Variants in TAFA4 observed in about 807,000 individuals in gnomAD.
TAFA4 encodes the protein chemokine-like protein TAFA-4.
Under a neutral mutation model 21.1 loss-of-function variants are expected in TAFA4, and 20 were observed. The observed-to-expected ratio is 0.95, with a 90% confidence interval of 0.67 to 1.38. TAFA4 has a LOEUF of 1.38. TAFA4 is among the 40% of genes most tolerant of loss of function. TAFA4 has a pLI of 0.00. For missense variants in TAFA4, 211 were observed against 180.9 expected (o/e 1.17, Z -0.95); for synonymous variants, 71 against 67.4 (o/e 1.05, Z -0.26).
intron 3 of TAFA4, among the ~76,000 whole-genome samples, chr3:68,803,000 A>C (rs1703608212): frequency 6.6e-6 from 1 of 152,216 alleles, no homozygotes; most frequent in Admixed American, 6.5e-5. Flanking sequence ...AACTCTCAGA[A>C]GACGGTTTGT....
intron 3 of TAFA4, among the ~76,000 whole-genome samples, chr3:68,870,101 T>A (rs7629267): frequency 2.0e-4 from 31 of 151,984 alleles, no homozygotes; most frequent in Admixed American, 1.9e-3. Context: ...TCATTTACAA[T>A]AGACACAAGG....
At chr3:68,745,733 T>G (rs911116544) in intron 4 of TAFA4, among the ~76,000 whole-genome samples, 2 of 152,196 alleles carry the variant, frequency 1.3e-5, no homozygotes, top group African/African-American at 4.8e-5. Flanking sequence ...CAGAACACAA[T>G]TATGTATTCA....
intron 3 of TAFA4, among the ~76,000 whole-genome samples, chr3:68,813,591 G>A (rs994282248): frequency 1.3e-4 from 20 of 152,072 alleles, no homozygotes; most frequent in Middle Eastern, 3.4e-3. Flanking sequence ...TCCTCAACAC[G>A]TACACCCTCC....
intron 1 of TAFA4, among the ~76,000 whole-genome samples, chr3:68,919,666 T>C (rs903157417): frequency 6.6e-6 from 1 of 152,236 alleles, no homozygotes. Context: ...TGTTGCTTAG[T>C]GGCTCTCACG....
chr3:68,755,155 A>T (rs113112662), intron 3 of TAFA4, among the ~76,000 whole-genome samples: 2,120 of 152,176 alleles, frequency 0.014, 52 homozygotes, highest in African/African-American at 0.048. Flanking sequence ...CTCTCCCAAC[A>T]ACTCTCTATT....
intron 3 of TAFA4, among the ~76,000 whole-genome samples, chr3:68,866,678 A>AAAAAAC (rs2089424321): frequency 1.6e-5 from 2 of 123,746 alleles, no homozygotes; most frequent in African/African-American, 6.0e-5. Flanking sequence ...AAAAAAAAAA[A>AAAAAAC]CTCTGCAAAC....
At chr3:68,826,902 A>G (rs965612872) in intron 3 of TAFA4, among the ~76,000 whole-genome samples, 2 of 152,174 alleles carry the variant, frequency 1.3e-5, no homozygotes, top group Admixed American at 6.5e-5. Flanking sequence ...TTTTATTATT[A>G]TACTTTAAGT....
intron 3 of TAFA4, among the ~76,000 whole-genome samples, chr3:68,837,434 AT>A (rs1328965628): frequency 6.6e-6 from 1 of 152,212 alleles, no homozygotes; most frequent in East Asian, 1.9e-4. Flanking sequence ...AATATGGTCA[AT>A]TTCAACCCTC....
chr3:68,829,930 C>T (rs547650382), intron 3 of TAFA4, among the ~76,000 whole-genome samples: 2 of 152,068 alleles, frequency 1.3e-5, no homozygotes, highest in Non-Finnish European at 2.9e-5. Context: ...GTGTATGTGT[C>T]GAGGAATTTA....
At chr3:68,768,468 G>A (rs56909663) in intron 3 of TAFA4, among the ~76,000 whole-genome samples, 6,694 of 152,230 alleles carry the variant, frequency 0.044, 376 homozygotes, top group East Asian at 0.25. Context: ...TGGATGTGGA[G>A]AAAATGGAGT....
At chr3:68,772,989 T>A (rs1702986485) in intron 3 of TAFA4, among the ~76,000 whole-genome samples, 1 of 152,236 alleles carries the variant, frequency 6.6e-6, no homozygotes, top group Non-Finnish European at 1.5e-5. Context: ...ATCAGACAAC[T>A]AATGATCTCA....
chr3:68,783,745 G>GAAAGAAAC (rs1355228496), intron 3 of TAFA4, among the ~76,000 whole-genome samples: 1 of 95,952 alleles, frequency 1.0e-5, no homozygotes, highest in Admixed American at 1.0e-4. Context: ...AAGAAAGAAA[G>GAAAGAAAC]TAAGAAAGAA....
intron 3 of TAFA4, among the ~76,000 whole-genome samples, chr3:68,864,677 T>C (rs1484597393): frequency 1.3e-5 from 2 of 152,074 alleles, no homozygotes; most frequent in African/African-American, 4.8e-5. Flanking sequence ...TAGCCAAAGT[T>C]AGAAAAACTC....
intron 3 of TAFA4, among the ~76,000 whole-genome samples, chr3:68,773,533 C>T (rs1403259439): frequency 6.6e-6 from 1 of 152,156 alleles, no homozygotes; most frequent in African/African-American, 2.4e-5. Context: ...TCTACCCATG[C>T]AGACACTGGA....
chr3:68,831,589 G>A (rs1162344705), intron 3 of TAFA4, among the ~76,000 whole-genome samples: 3 of 152,092 alleles, frequency 2.0e-5, no homozygotes, highest in South Asian at 4.2e-4. Flanking sequence ...TGGGTAACCC[G>A]ACCTTTCTCT....
intron 3 of TAFA4, among the ~76,000 whole-genome samples, chr3:68,851,567 T>A (rs750886333): frequency 6.6e-6 from 1 of 152,136 alleles, no homozygotes; most frequent in Non-Finnish European, 1.5e-5. Flanking sequence ...AAGAGAGAGA[T>A]ATTTTAGCCA....
intron 5 of TAFA4, among the ~76,000 whole-genome samples, chr3:68,733,558 G>A (rs1702189744): frequency 6.6e-6 from 1 of 152,046 alleles, no homozygotes; most frequent in Admixed American, 6.6e-5. Context: ...TATTTTTTAT[G>A]CAGTTAACTT....
intron 3 of TAFA4, among the ~76,000 whole-genome samples, chr3:68,762,699 A>C (rs1271895030): frequency 6.6e-6 from 1 of 152,214 alleles, no homozygotes; most frequent in African/African-American, 2.4e-5. Flanking sequence ...AAAATATCCT[A>C]TGATGCAAAT....
chr3:68,744,800 A>C (rs919714492), intron 4 of TAFA4, among the ~76,000 whole-genome samples: 1 of 152,216 alleles, frequency 6.6e-6, no homozygotes, highest in African/African-American at 2.4e-5. Flanking sequence ...AGACCAAGAC[A>C]GAACTCTTAT....
Sources: gnomAD v4.1 joint callset for allele counts (sites outside exome capture counted in the v4.1 genomes callset) on GRCh38, gnomAD v4.1.1 for gene constraint, MANE v1.5 for transcripts, NCBI Gene and HGNC (gene_info 2026-07-23, HGNC 2026-07-21) for gene names.